NPHP4: variants seen among roughly 807,000 people sequenced by gnomAD.
NPHP4 encodes nephrocystin 4, also known as nephrocystin-4.
Under a neutral mutation model 155.8 loss-of-function variants are expected in NPHP4, and 151 were observed. The observed-to-expected ratio is 0.97, with a 90% CI of 0.85 to 1.11. NPHP4 has a LOEUF of 1.11. Among genes scored for constraint, NPHP4 ranks in the 50% least tolerant of loss-of-function variants. The pLI, the probability that NPHP4 is intolerant of heterozygous loss-of-function variation, is 0.00. For synonymous variants in NPHP4, 845 were observed against 816.8 expected, an observed-to-expected ratio of 1.03 and a Z score of -0.59; for missense variants, 1,956 against 1,925.7, an observed-to-expected ratio of 1.02 and a Z score of -0.29.
rs745974669 is a variant in NPHP4, at chr1:5,867,911, C to T, written c.3316-15G>A. The T allele has an allele frequency of 2.5e-5, 41 of 1,613,812 alleles. No individual in the cohort carries two copies. Among genetic ancestry groups the T allele is most frequent in the Admixed American group, 2.0e-4 (12 of 60,004 alleles). On this transcript the variant is annotated splice_polypyrimidine_tract_variant and intron_variant, in intron 23 of 29. Coordinates refer to ENST00000378156, the MANE Select transcript of NPHP4 (RefSeq NM_015102.5). This position sits in a 1 kb window ranked among gnomAD's most constrained non-coding sequence, Gnocchi z 4.1. ...CGGAACAAGACCTGTGAGGAGGCCA[C>T]GCTGAGTGTTGGGATGGGCACGAGG...
chr1:5,865,330 G>A (rs978909517), intron 26 of NPHP4, 57 bp from the exon 27 acceptor site: 27 of 1,428,222 alleles, frequency 1.9e-5, no homozygotes, highest in East Asian at 2.5e-5. Context: ...ACCGGCCCAC[G>A]AGAGGCCAAC....
Position 5,944,121 on chromosome 1 carries a change from G to A in NPHP4, c.1119+2983C>T, listed in dbSNP as rs375247556. 2.8e-4 allele frequency among the ~76,000 whole-genome samples: 42 copies of A among 152,220 alleles called. No individual in the cohort carries two copies. Among genetic ancestry groups the A allele is most frequent in the African/African-American group, 2.7e-4 (11 of 41,454 alleles). ...AATTTGTTTCAGAATAATTCAAAAC[G>A]GGTTGTGGGAGAGGACATAGAAGAA... On this transcript the variant is annotated intron_variant, in intron 9 of 29. Transcript: ENST00000378156. The surrounding 1 kb of genome is among the most constrained non-coding windows in gnomAD (Gnocchi z 4.3).
At chr1:5,931,302 C>A (rs1193402562) in intron 10 of NPHP4, among the ~76,000 whole-genome samples, 2 of 151,082 alleles carry the variant, frequency 1.3e-5, no homozygotes, top group East Asian at 3.9e-4. Flanking sequence ...TTCCAAACCA[C>A]TACAATAAAG....
intron 7 of NPHP4, among the ~76,000 whole-genome samples, chr1:5,949,057 T>C (rs1370815984): frequency 3.3e-5 from 5 of 152,172 alleles, no homozygotes; most frequent in Non-Finnish European, 7.3e-5. Flanking sequence ...TGCAGATAAC[T>C]GAGTATCTGC....
chr1:5,914,920 C>T (rs913072146), intron 11 of NPHP4, among the ~76,000 whole-genome samples: 3 of 151,974 alleles, frequency 2.0e-5, no homozygotes, highest in African/African-American at 7.3e-5. Context: ...AGGTAGACCT[C>T]CCCCCCGCAC....
At chr1:5,929,870 T>C (rs1646189569) in intron 10 of NPHP4, among the ~76,000 whole-genome samples, 1 of 152,190 alleles carries the variant, frequency 6.6e-6, no homozygotes, top group Non-Finnish European at 1.5e-5. Context: ...AAATAGATTA[T>C]ATAAAAGTGG....
At chr1:5,879,773 G>A in intron 19 of NPHP4, 1 of 402,986 alleles carries the variant, frequency 2.5e-6, no homozygotes, top group Non-Finnish European at 4.7e-6. Context: ...ACCACGAATG[G>A]TGCGCACACA....
At chr1:5,915,542 G>C (rs1486030969) in intron 11 of NPHP4, among the ~76,000 whole-genome samples, 1 of 152,118 alleles carries the variant, frequency 6.6e-6, no homozygotes, top group Admixed American at 6.5e-5. Flanking sequence ...CAGAGATCAA[G>C]GGGCAACTGG....
intron 16 of NPHP4, among the ~76,000 whole-genome samples, chr1:5,903,301 A>G (rs1191635791): frequency 6.6e-6 from 1 of 152,150 alleles, no homozygotes; most frequent in African/African-American, 2.4e-5. Flanking sequence ...TTCTTTTCCT[A>G]GTGAATTACT....
At chr1:5,992,086 C>T (rs1326946871) in intron 1 of NPHP4, among the ~76,000 whole-genome samples, 158 bp downstream of exon 1, 2 of 152,110 alleles carry the variant, frequency 1.3e-5, no homozygotes, top group South Asian at 2.1e-4. Flanking sequence ...CACCGCCGCA[C>T]CCCAGGCACC....
chr1:5,915,687 A>T (rs534700461), intron 11 of NPHP4, among the ~76,000 whole-genome samples: 1 of 152,258 alleles, frequency 6.6e-6, no homozygotes, highest in South Asian at 2.1e-4. Context: ...GAGTTCCGTG[A>T]CTTGCCAGAG....
At chr1:5,954,892 A>T (rs1648883901) in intron 6 of NPHP4, among the ~76,000 whole-genome samples, 1 of 152,230 alleles carries the variant, frequency 6.6e-6, no homozygotes, top group African/African-American at 2.4e-5. Context: ...ATATCAAAAT[A>T]AAAAGGTCTT....
chr1:5,909,240 G>T, intron 11 of NPHP4, 27 bp from the exon 12 acceptor site: 1 of 1,580,888 alleles, frequency 6.3e-7, no homozygotes, highest in Non-Finnish European at 8.6e-7. Context: ...TGGGGTAGGA[G>T]AGGGAATGTG....
chr1:5,874,445 C>T (rs1288793288), intron 22 of NPHP4, 26 bp downstream of exon 22: 1 of 1,494,324 alleles, frequency 6.7e-7, no homozygotes, highest in Non-Finnish European at 8.9e-7. Context: ...CCAAATGCAA[C>T]TTCCCTGTGT....
chr1:5,899,340 G>A (rs930716592), intron 16 of NPHP4, among the ~76,000 whole-genome samples: 3 of 151,160 alleles, frequency 2.0e-5, no homozygotes, highest in Admixed American at 6.6e-5. Context: ...AAACAGAAAC[G>A]CTACTGCTAT....
chr1:5,906,871 A>G (rs1291826033), intron 13 of NPHP4, among the ~76,000 whole-genome samples: 1 of 152,182 alleles, frequency 6.6e-6, no homozygotes, highest in Non-Finnish European at 1.5e-5. Context: ...GTAGAGCACA[A>G]TCTGAGTCAA....
chr1:5,887,568 T>C, intron 17 of NPHP4, 102 bp from the exon 18 acceptor site: 1 of 1,292,588 alleles, frequency 7.7e-7, no homozygotes, highest in East Asian at 2.4e-5. Flanking sequence ...GGAAAGCCAC[T>C]GTGGGCGGGA....
At chr1:5,914,920 C>A (rs913072146) in intron 11 of NPHP4, among the ~76,000 whole-genome samples, 1 of 151,974 alleles carries the variant, frequency 6.6e-6, no homozygotes, top group African/African-American at 2.4e-5. Flanking sequence ...AGGTAGACCT[C>A]CCCCCCGCAC....
At chr1:5,871,164 G>A (rs1032294991) in intron 23 of NPHP4, among the ~76,000 whole-genome samples, 1 of 152,184 alleles carries the variant, frequency 6.6e-6, no homozygotes, top group Non-Finnish European at 1.5e-5. Flanking sequence ...GTTAGTGACC[G>A]GGAAGTCTGG....
Sources: allele counts gnomAD v4.1 joint callset (sites outside exome capture counted in the v4.1 genomes callset), GRCh38; gene constraint gnomAD v4.1.1; non-coding constraint Gnocchi (gnomAD v3.1); transcripts MANE v1.5; gene names NCBI Gene and HGNC (gene_info 2026-07-23, HGNC 2026-07-21).